Variants in UIMC1 observed in about 807,000 individuals in gnomAD.
UIMC1 encodes ubiquitin interaction motif containing 1, also known as BRCA1-A complex subunit RAP80.
Under a neutral mutation model 84.9 loss-of-function variants are expected in UIMC1, and 42 were observed. The ratio of observed to expected loss-of-function variants is 0.49; its 90% CI spans 0.39 to 0.64. The LOEUF (loss-of-function observed/expected upper bound fraction) is 0.64. UIMC1 is among the 30% of genes least tolerant of loss of function. The pLI is 0.00. For synonymous variants in UIMC1, 281 were observed against 293.0 expected (o/e 0.96, Z 0.42); for missense variants, 825 against 847.6 (o/e 0.97, Z 0.33).
At chr5:177,012,490 C>T (rs562874577) in intron 1 of UIMC1, among the ~76,000 whole-genome samples, 1 of 152,012 alleles carries the variant, frequency 6.6e-6, no homozygotes, top group Admixed American at 6.6e-5. Flanking sequence ...GCCAGGGGTT[C>T]GTGACCAGCC....
At chr5:176,998,196 C>T (rs571339303) in intron 1 of UIMC1, among the ~76,000 whole-genome samples, 25 of 152,088 alleles carry the variant, frequency 1.6e-4, no homozygotes, top group Non-Finnish European at 3.5e-4. Context: ...TCAATAAATA[C>T]TTATTTGCAG....
At chr5:176,943,769 T>C (rs1237594959) in intron 9 of UIMC1, among the ~76,000 whole-genome samples, 2 of 152,260 alleles carry the variant, frequency 1.3e-5, no homozygotes, top group African/African-American at 2.4e-5. Flanking sequence ...CTGACAACTA[T>C]GTATTAAACA....
chr5:176,988,130 C>CAA (rs35059681), intron 1 of UIMC1, among the ~76,000 whole-genome samples: 31 of 90,156 alleles, frequency 3.4e-4, no homozygotes, highest in African/African-American at 9.3e-4. Flanking sequence ...CGCCCCTGTC[C>CAA]AAAAAAAAAA....
Position 176,939,993 on chromosome 5 carries a change from G to T in UIMC1, c.1597+3342C>A, listed in dbSNP as rs77170141. ...AATCCAACTGAACAGCATTAGACGGGGTCACTGATCCTGGACACAGCAGAA... is the reference window on the plus strand; with the variant it reads ...AATCCAACTGAACAGCATTAGACGGTGTCACTGATCCTGGACACAGCAGAA... On this transcript the variant is annotated intron_variant, in intron 10 of 14. Coordinates refer to ENST00000511320, the MANE Select transcript of UIMC1 (RefSeq NM_001199298.2). 2.0e-5 allele frequency among the ~76,000 whole-genome samples: 3 copies of T among 152,208 alleles called. No individual in the cohort carries two copies. The East Asian group carries it at 5.8e-4, about 29-fold the overall frequency.
rs539452197 is a variant in UIMC1 at position 176,910,153 on chromosome 5, G to T, written c.1676+1158C>A. ...TATTCTTTTTTAAAACCAAATTACT[G>T]CAATACAATGTGAGGAATTCCTAGA... On this transcript the variant is annotated intron_variant, in intron 11 of 14. Transcript: ENST00000511320. 4.6e-4 allele frequency among the ~76,000 whole-genome samples: 70 copies of T among 152,256 alleles called. No homozygotes were observed. In the South Asian group the frequency reaches 0.014, roughly 30 times the overall value.
chr5:177,013,904 T>C (rs1358795735), intron 1 of UIMC1, among the ~76,000 whole-genome samples: 1 of 152,072 alleles, frequency 6.6e-6, no homozygotes, highest in East Asian at 1.9e-4. Flanking sequence ...GAATCCAGGG[T>C]TTTATCAGGG....
At chr5:176,991,421 G>A (rs1045898446) in intron 1 of UIMC1, among the ~76,000 whole-genome samples, 3 of 151,850 alleles carry the variant, frequency 2.0e-5, no homozygotes, top group African/African-American at 7.3e-5. Context: ...ACAACTGAGG[G>A]GAAAGAATAT....
intron 1 of UIMC1, among the ~76,000 whole-genome samples, chr5:176,983,378 G>A (rs997655062): frequency 1.2e-4 from 18 of 151,506 alleles, no homozygotes; most frequent in African/African-American, 4.4e-4. Context: ...GGGATTCCAG[G>A]CACGCACCGC....
At chr5:176,959,684 C>G (rs1235238753) in intron 6 of UIMC1, among the ~76,000 whole-genome samples, 1 of 145,748 alleles carries the variant, frequency 6.9e-6, no homozygotes, top group Non-Finnish European at 1.5e-5. Flanking sequence ...CCACTGCACT[C>G]CAGCCTGGGC....
intron 2 of UIMC1, among the ~76,000 whole-genome samples, chr5:176,982,244 T>C (rs1170877470): frequency 6.6e-6 from 1 of 152,232 alleles, no homozygotes; most frequent in Non-Finnish European, 1.5e-5. Flanking sequence ...TTTGGATTAC[T>C]ATATTATAAA....
At chr5:177,003,739 G>T (rs1177823460) in intron 1 of UIMC1, among the ~76,000 whole-genome samples, 1 of 152,204 alleles carries the variant, frequency 6.6e-6, no homozygotes, top group Non-Finnish European at 1.5e-5. Context: ...TGGCAGCAGA[G>T]ATGAGTATGG....
chr5:176,926,637 AAACAACAACAAC>A (rs57287380), intron 10 of UIMC1, among the ~76,000 whole-genome samples: 3 of 151,420 alleles, frequency 2.0e-5, no homozygotes, highest in African/African-American at 7.3e-5. Context: ...ACCCTGTCTC[AAACAACAACAAC>A]AACAACAACA....
chr5:176,975,187 G>C (rs1323711995), intron 3 of UIMC1, among the ~76,000 whole-genome samples: 1 of 151,920 alleles, frequency 6.6e-6, no homozygotes, highest in Non-Finnish European at 1.5e-5. Flanking sequence ...GATTCAGAAT[G>C]ACCACTTCTG....
At chr5:176,924,023 T>G in intron 10 of UIMC1, among the ~76,000 whole-genome samples, 1 of 149,044 alleles carries the variant, frequency 6.7e-6, no homozygotes, top group East Asian at 2.1e-4. Flanking sequence ...GACTAGAATA[T>G]CTACCACAAT....
At chr5:176,969,903 T>C in intron 4 of UIMC1, 197 bp from the exon 5 acceptor site, 1 of 500,964 alleles carries the variant, frequency 2.0e-6, no homozygotes, top group East Asian at 3.1e-5. Context: ...TACTAAACCC[T>C]TTTTTAAAAC....
chr5:176,983,382 G>A (rs537565543), intron 1 of UIMC1, among the ~76,000 whole-genome samples: 14 of 151,598 alleles, frequency 9.2e-5, no homozygotes, highest in South Asian at 6.3e-4. Flanking sequence ...TTCCAGGCAC[G>A]CACCGCCACT....
At chr5:177,007,340 CAAA>C (rs56871601), upstream of UIMC1, among the ~76,000 whole-genome samples, 8 of 58,386 alleles carry the variant, frequency 1.4e-4, no homozygotes, top group Non-Finnish European at 1.6e-4. Context: ...GACTCCGTCT[CAAA>C]AAAAAAAAAA....
intron 8 of UIMC1, among the ~76,000 whole-genome samples, chr5:176,954,352 T>C (rs960925140): frequency 6.6e-6 from 1 of 152,112 alleles, no homozygotes; most frequent in Non-Finnish European, 1.5e-5. Flanking sequence ...CCTGCCAAAA[T>C]CTGAGCACTC....
intron 2 of UIMC1, 129 bp downstream of exon 2, chr5:176,982,340 G>T: frequency 9.5e-7 from 1 of 1,050,126 alleles, no homozygotes; most frequent in Non-Finnish European, 1.4e-6. Context: ...TTAAAACAAA[G>T]CTGAGTAAAA....
Sources: allele counts gnomAD v4.1 joint callset (sites outside exome capture counted in the v4.1 genomes callset), GRCh38; gene constraint gnomAD v4.1.1; transcripts MANE v1.5; gene names NCBI Gene and HGNC (gene_info 2026-07-23, HGNC 2026-07-21).